Variants in SERPINB7 observed in about 807,000 individuals in gnomAD.
SERPINB7 encodes serpin B7.
A neutral mutation model predicts 37.4 loss-of-function variants in SERPINB7; 31 were observed. The ratio of observed to expected loss-of-function variants is 0.83; its 90% CI spans 0.62 to 1.12. SERPINB7 has a LOEUF of 1.12. SERPINB7 is among the 50% of genes most tolerant of loss of function. The probability of loss-of-function intolerance (pLI) is 0.00; values close to 1 mark genes in which losing one functional copy is unlikely to be tolerated. For missense variants in SERPINB7, 521 were observed against 455.3 expected (o/e 1.14, Z -1.31); for synonymous variants, 163 against 166.1 (o/e 0.98, Z 0.14).
In SERPINB7 at chr18:63,793,317, T is replaced by C. The variant is rs781312626; in HGVS notation, c.336+40T>C. 3 of 1,034,304 alleles carry C rather than the reference T, an allele frequency of 2.9e-6. No homozygotes were observed. The South Asian group carries it at 4.2e-5, about 15-fold the overall frequency. The allele number at this position is 1,034,304 out of a possible 1,614,324, so 64.1% of individuals were successfully genotyped here. On this transcript the variant is annotated intron_variant, in intron 4 of 7. Coordinates refer to ENST00000398019, the MANE Select transcript of SERPINB7 (RefSeq NM_003784.4). The stretch of plus-strand genomic sequence containing the variant: ...CTTTGTTAGAAGGACCTGAATCTTG[T>C]TAAATCCATTATCTGAACAAAGGCT...
intron 1 of SERPINB7, among the ~76,000 whole-genome samples, chr18:63,777,298 C>G (rs1456985772): frequency 6.6e-6 from 1 of 152,038 alleles, no homozygotes; most frequent in Non-Finnish European, 1.5e-5. Flanking sequence ...TAGCACTTTG[C>G]TTTCTTCACC....
chr18:63,780,249 G>A (rs1222106762), intron 1 of SERPINB7, among the ~76,000 whole-genome samples: 2 of 152,012 alleles, frequency 1.3e-5, no homozygotes, highest in African/African-American at 2.4e-5. Context: ...TCTTTAGGAT[G>A]GAGAGAATCT....
chr18:63,767,353 T>C (rs1026438311), intron 1 of SERPINB7, among the ~76,000 whole-genome samples: 1 of 152,092 alleles, frequency 6.6e-6, no homozygotes, highest in African/African-American at 2.4e-5. Context: ...ATGGGAATAA[T>C]AGAGGGGAAA....
chr18:63,793,915 C>T (rs76266092), intron 4 of SERPINB7, among the ~76,000 whole-genome samples: 1,674 of 151,822 alleles, frequency 0.011, 30 homozygotes, highest in African/African-American at 0.038. Flanking sequence ...AGTATAAATG[C>T]TTAGTGGCTT....
At chr18:63,758,150 T>C (rs2049132224) in intron 1 of SERPINB7, among the ~76,000 whole-genome samples, 1 of 152,212 alleles carries the variant, frequency 6.6e-6, no homozygotes, top group Non-Finnish European at 1.5e-5. Context: ...TGTATCATTG[T>C]CATTGCCAAC....
At chr18:63,782,102 G>C (rs569169620) in intron 1 of SERPINB7, among the ~76,000 whole-genome samples, 1 of 152,094 alleles carries the variant, frequency 6.6e-6, no homozygotes, top group East Asian at 1.9e-4. Flanking sequence ...TGTCTGCTTG[G>C]GGGTTGGAAA....
intron 7 of SERPINB7, among the ~76,000 whole-genome samples, chr18:63,801,516 G>T (rs1253303435): frequency 6.6e-6 from 1 of 152,176 alleles, no homozygotes; most frequent in African/African-American, 2.4e-5. Flanking sequence ...TTTAATTGAT[G>T]CAAGGCCGAC....
chr18:63,773,790 G>T (rs2049225484), upstream of SERPINB7, among the ~76,000 whole-genome samples: 1 of 152,102 alleles, frequency 6.6e-6, no homozygotes, highest in Admixed American at 6.6e-5. Flanking sequence ...CTTTGGGATT[G>T]GTTAATTGTA....
upstream of SERPINB7, among the ~76,000 whole-genome samples, chr18:63,774,663 G>C (rs184015356): frequency 1.3e-5 from 2 of 152,178 alleles, no homozygotes; most frequent in African/African-American, 4.8e-5. Flanking sequence ...GGATCTGGGT[G>C]GTGCAGACGT....
Position 63,804,388 on chromosome 18 carries a change from T to G in SERPINB7, c.896T>G (p.Ile299Ser), listed in dbSNP as rs779481560. ...QYLRALGLKD[I>S]FDESKADLSG... ...TTGAGAGCCCTAGGGCTGAAAGATATCTTTGATGAATCCAAAGCAGATCTC... is the reference window on the plus strand; with the variant it reads ...TTGAGAGCCCTAGGGCTGAAAGATAGCTTTGATGAATCCAAAGCAGATCTC... Residue 299 changes from isoleucine to serine, a missense_variant, in exon 8 of 8, where the codon ATC (isoleucine) becomes AGC (serine). Coordinates refer to ENST00000398019, the MANE Select transcript of SERPINB7 (RefSeq NM_003784.4). The G allele has an allele frequency of 5.6e-6, 9 of 1,613,786 alleles. No individual in the cohort carries two copies. The Admixed American group carries it at 1.5e-4, about 27-fold the overall frequency.
At chr18:63,759,765 T>C (rs1035225090) in intron 1 of SERPINB7, among the ~76,000 whole-genome samples, 1 of 151,796 alleles carries the variant, frequency 6.6e-6, no homozygotes, top group Admixed American at 6.6e-5. Flanking sequence ...GTAAGTCTCA[T>C]GAGATCGTAT....
In SERPINB7 at chr18:63,782,438, T is replaced by C. The variant is rs374010193; in HGVS notation, c.66T>C (p.Asn22=). The C allele has an allele frequency of 6.6e-5, 106 of 1,614,168 alleles. No homozygotes were observed. Among genetic ancestry groups the C allele is most frequent in the Middle Eastern group, 5.0e-4 (3 of 6,058 alleles). The change falls in exon 2 of 8, where the codon AAT becomes AAC. Residue 22 remains asparagine (N), a synonymous_variant. Coordinates refer to ENST00000398019, the MANE Select transcript of SERPINB7 (RefSeq NM_003784.4). ...CFNLFREMDD[N]QGNGNVFFSS... ...ACCTGTTCAGAGAGATGGATGACAA[T>C]CAAGGAAATGGAAATGTGTTCTTTT... is the stretch of plus-strand genomic sequence containing the variant.
intron 2 of SERPINB7, among the ~76,000 whole-genome samples, chr18:63,790,715 G>C (rs1366679704): frequency 2.0e-5 from 3 of 152,124 alleles, no homozygotes; most frequent in African/African-American, 7.2e-5. Flanking sequence ...GTAAAACATG[G>C]GGTAGGGAGG....
chr18:63,756,500 A>G (rs540227877), intron 1 of SERPINB7, among the ~76,000 whole-genome samples: 3 of 152,312 alleles, frequency 2.0e-5, no homozygotes, highest in South Asian at 4.2e-4. Flanking sequence ...CAATGCATCA[A>G]TAAGCCCAAA....
intron 2 of SERPINB7, 148 bp from the exon 3 acceptor site, chr18:63,792,245 G>A (rs958728675): frequency 1.8e-6 from 1 of 552,404 alleles, no homozygotes; most frequent in Non-Finnish European, 3.2e-6. Flanking sequence ...CAGAGTCATG[G>A]GGAGAATCTG....
intron 2 of SERPINB7, among the ~76,000 whole-genome samples, chr18:63,783,571 G>A (rs1306886790): frequency 1.3e-5 from 2 of 152,108 alleles, no homozygotes; most frequent in African/African-American, 4.8e-5. Context: ...CACCTTCACC[G>A]CCACCTTCAG....
intron 1 of SERPINB7, among the ~76,000 whole-genome samples, chr18:63,762,546 A>G (rs2049159950): frequency 6.6e-6 from 1 of 152,174 alleles, no homozygotes; most frequent in Non-Finnish European, 1.5e-5. Flanking sequence ...GATTATATGT[A>G]TTGAGGATTC....
At chr18:63,765,257 G>GT (rs994068178) in intron 1 of SERPINB7, among the ~76,000 whole-genome samples, 3 of 151,990 alleles carry the variant, frequency 2.0e-5, no homozygotes, top group Non-Finnish European at 2.9e-5. Context: ...ATGTTATCTT[G>GT]TTTTTTTCAT....
chr18:63,793,919 G>A (rs79131214), intron 4 of SERPINB7, among the ~76,000 whole-genome samples: 4,990 of 151,674 alleles, frequency 0.033, 98 homozygotes, highest in South Asian at 0.063. Flanking sequence ...TAAATGCTTA[G>A]TGGCTTCTAG....
Sources: allele counts gnomAD v4.1 joint callset (sites outside exome capture counted in the v4.1 genomes callset), GRCh38; gene constraint gnomAD v4.1.1; transcripts MANE v1.5; gene names NCBI Gene and HGNC (gene_info 2026-07-23, HGNC 2026-07-21).